The following TRPV5 variants were observed in gnomAD, a reference collection of about 807,000 sequenced individuals.
The protein encoded by TRPV5 is transient receptor potential cation channel subfamily V member 5.
Under a neutral mutation model 74.1 loss-of-function variants are expected in TRPV5, and 66 were observed. That is an observed-to-expected ratio of 0.89 (90% CI 0.73 to 1.09). The LOEUF is 1.09. Ranked by LOEUF, TRPV5 falls within the 50% of genes least tolerant of loss-of-function variation. The pLI is 0.00. For missense variants in TRPV5, 936 were observed against 930.4 expected, an observed-to-expected ratio of 1.01 and a Z score of -0.08; for synonymous variants, 399 against 360.7, an observed-to-expected ratio of 1.11 and a Z score of -1.20.
chr7:142,933,654 G>A lies in TRPV5; in HGVS notation c.-195C>T, dbSNP rs543763815. On this transcript the variant is annotated 5_prime_UTR_variant, in exon 1 of 15. In the 5' UTR this introduces an upstream ATG that the reference lacks. Coordinates refer to ENST00000265310, the MANE Select transcript of TRPV5 (RefSeq NM_019841.7). ...GCAGTATGTGGGTTGTGGGGTGTGC[G>A]TGTATGCACAGTGTGTGGCTGTGGT... 2.0e-4 allele frequency: 137 copies of A among 670,966 alleles called. No homozygotes were observed. In the Middle Eastern group the frequency reaches 2.9e-3, roughly 14 times the overall value. The allele number at this position is 670,966 out of a possible 1,614,324, so 41.6% of individuals were successfully genotyped here.
intron 8 of TRPV5, 91 bp downstream of exon 8, chr7:142,925,438 G>A (rs1795967191): frequency 1.5e-6 from 2 of 1,375,924 alleles, no homozygotes; most frequent in African/African-American, 2.9e-5. Context: ...GGAACCCAGA[G>A]CGTGGCATCG....
chr7:142,908,955 T>A, intron 14 of TRPV5, 147 bp from the exon 15 acceptor site: 1 of 827,938 alleles, frequency 1.2e-6, no homozygotes, highest in Non-Finnish European at 1.8e-6. Context: ...TGGGATCAAG[T>A]GAAGGGAGGT....
At chr7:142,923,741 G>C (rs1022424740) in intron 8 of TRPV5, among the ~76,000 whole-genome samples, 6 of 152,070 alleles carry the variant, frequency 3.9e-5, no homozygotes, top group African/African-American at 2.4e-5. Context: ...CAAAGGAGGC[G>C]GTCTTTTACA....
chr7:142,925,859 A>C (rs1795979931), intron 7 of TRPV5, 118 bp from the exon 8 acceptor site: 1 of 843,172 alleles, frequency 1.2e-6, no homozygotes, highest in African/African-American at 1.7e-5. Context: ...TCAGTCACTT[A>C]TTTGACGGAC....
intron 1 of TRPV5, among the ~76,000 whole-genome samples, chr7:142,931,561 G>A (rs4252389): frequency 0.021 from 3,198 of 152,244 alleles, 115 homozygotes; most frequent in African/African-American, 0.072. Flanking sequence ...AGACATATGT[G>A]TATTGGCCCC....
intron 8 of TRPV5, among the ~76,000 whole-genome samples, 191 bp from the exon 9 acceptor site, chr7:142,915,759 T>C (rs1022346404): frequency 6.6e-6 from 1 of 152,196 alleles, no homozygotes; most frequent in Non-Finnish European, 1.5e-5. Context: ...GTATCCAAGG[T>C]TTAATAGACG....
Position 142,929,576 on chromosome 7 carries a change from G to C in TRPV5, c.350-11C>G. On this transcript the variant is annotated splice_polypyrimidine_tract_variant and intron_variant, in intron 3 of 14. Coordinates refer to ENST00000265310, the MANE Select transcript of TRPV5 (RefSeq NM_019841.7). ...GCAGTGCAGTCTGACCTGGCCCAGA[G>C]ACAGCCATCATCAGGGTCTCCCTCT... 2.5e-6 allele frequency: 4 copies of C among 1,611,132 alleles called. No homozygotes were observed. The highest frequency in any genetic ancestry group is 3.4e-6 in the Non-Finnish European group (4 of 1,177,558).
intron 12 of TRPV5, 141 bp from the exon 13 acceptor site, chr7:142,912,891 T>G: frequency 1.5e-6 from 1 of 653,190 alleles, no homozygotes; most frequent in Non-Finnish European, 2.3e-6. Flanking sequence ...TAAATACACT[T>G]GCACACATGC....
Position 142,930,151 on chromosome 7 carries a change from C to G in TRPV5, c.256G>C (p.Ala86Pro), listed in dbSNP as rs200517816. The G allele has an allele frequency of 2.5e-5, 41 of 1,614,158 alleles. No homozygotes were observed. The Admixed American group carries it at 4.5e-4, about 18-fold the overall frequency. Residue 86 changes from alanine to proline, a missense_variant, in exon 3 of 15, where the codon GCA becomes CCA. Ala to Pro is a conservative substitution (Grantham distance 27). Transcript: ENST00000265310. ...GALGETALHI[A>P]ALYDNLEAAL... ...GCCTCCAAGTTGTCATAGAGGGCTGCTATGTGCAGCGCCGTCTCCCCCAGG... is the reference window on the plus strand; with the variant it reads ...GCCTCCAAGTTGTCATAGAGGGCTGGTATGTGCAGCGCCGTCTCCCCCAGG...
chr7:142,918,404 G>A (rs1322129130), intron 8 of TRPV5, among the ~76,000 whole-genome samples: 3 of 152,172 alleles, frequency 2.0e-5, no homozygotes, highest in Admixed American at 1.3e-4. Context: ...CAGAACTTAT[G>A]CCTTAGGGCA....
intron 3 of TRPV5, 95 bp downstream of exon 3, chr7:142,929,963 C>T: frequency 2.5e-6 from 4 of 1,585,806 alleles, no homozygotes; most frequent in Non-Finnish European, 3.4e-6. Flanking sequence ...TCCATCACCC[C>T]ACCCCAACCC....
intron 8 of TRPV5, chr7:142,925,024 A>G (rs1795959721): frequency 5.6e-6 from 1 of 178,628 alleles, no homozygotes; most frequent in African/African-American, 2.4e-5. Flanking sequence ...TACCCAATCC[A>G]GACATCCTTC....
At chr7:142,916,634 CCA>C (rs1306190446) in intron 8 of TRPV5, among the ~76,000 whole-genome samples, 1 of 152,192 alleles carries the variant, frequency 6.6e-6, no homozygotes, top group Non-Finnish European at 1.5e-5. Context: ...TCCCCTGGGG[CCA>C]GCAGGAAAGC....
At chr7:142,923,477 A>G (rs1263432764) in intron 8 of TRPV5, among the ~76,000 whole-genome samples, 1 of 152,206 alleles carries the variant, frequency 6.6e-6, no homozygotes, top group Non-Finnish European at 1.5e-5. Flanking sequence ...GGCTCAAAGC[A>G]TAGGGACTTT....
chr7:142,932,261 T>A (rs1424296417), intron 1 of TRPV5, among the ~76,000 whole-genome samples: 1 of 152,078 alleles, frequency 6.6e-6, no homozygotes, highest in Non-Finnish European at 1.5e-5. Flanking sequence ...ACTGCCCCTC[T>A]GCAGAGGGTC....
intron 7 of TRPV5, among the ~76,000 whole-genome samples, chr7:142,927,014 C>T (rs898942551): frequency 2.0e-5 from 3 of 152,088 alleles, no homozygotes; most frequent in Non-Finnish European, 4.4e-5. Flanking sequence ...GAAGTCTTTT[C>T]TCCTCTCTAC....
chr7:142,928,870 G>A lies in TRPV5; in HGVS notation c.587-4C>T. 1 of 1,613,842 alleles carries A rather than the reference G, an allele frequency of 6.2e-7. No homozygotes were observed. The highest frequency in any genetic ancestry group is 8.5e-7 in the Non-Finnish European group (1 of 1,179,864). Reference sequence around the variant, plus strand: ...AGGATGTGTAATACTGTGTTTCCTGGGGAGGACGCAGGGTATCATGTGGCC... The same window carrying A: ...AGGATGTGTAATACTGTGTTTCCTGAGGAGGACGCAGGGTATCATGTGGCC... On this transcript the variant is annotated splice_polypyrimidine_tract_variant and splice_region_variant and intron_variant, in intron 5 of 14. Coordinates refer to ENST00000265310, the MANE Select transcript of TRPV5 (RefSeq NM_019841.7).
Position 142,912,615 on chromosome 7 carries a change from G to T in TRPV5, c.1655C>A (p.Pro552His). The change falls in exon 13 of 15, where the codon CCC becomes CAC. Residue 552 changes from proline to histidine, a missense_variant. By Grantham distance (77) the Pro-to-His change is moderately conservative (BLOSUM62 -2). Transcript: ENST00000265310. ...GAAGTTGACAATGCTGAACATGAAG[G>T]GCAAGTCCACGTCGTAGTTGGCAGG... The part of the protein sequence containing the change: ...DAPANYDVDL[P>H]FMFSIVNFAF... 1 of 1,614,212 alleles carries T rather than the reference G, an allele frequency of 6.2e-7. No individual in the cohort carries two copies. Among genetic ancestry groups the T allele is most frequent in the Non-Finnish European group, 8.5e-7 (1 of 1,180,044 alleles).
In TRPV5 at chr7:142,930,074, T is replaced by C. The variant is rs137878489; in HGVS notation, c.333A>G (p.Thr111=). ...GCTCCTTACCTGCAAAAGCCTCACA[T>C]GTGGTGGGCTCAAAGACCAGCTCTG... ...AAPELVFEPT[T]CEAFAGQTAL... The change falls in exon 3 of 15, where the codon ACA becomes ACG. Residue 111 remains threonine (T), a synonymous_variant. Transcript: ENST00000265310. 45 of 1,613,916 alleles carry C rather than the reference T, an allele frequency of 2.8e-5. No individual in the cohort carries two copies. Among genetic ancestry groups the C allele is most frequent in the Non-Finnish European group, 3.6e-5 (42 of 1,180,004 alleles).
Sources: gnomAD v4.1 joint callset for allele counts (sites outside exome capture counted in the v4.1 genomes callset) on GRCh38, gnomAD v4.1.1 for gene constraint, MANE v1.5 for transcripts, NCBI Gene and HGNC (gene_info 2026-07-23, HGNC 2026-07-21) for gene names.